ARIH1: variants seen among roughly 807,000 people sequenced by gnomAD.
The protein encoded by ARIH1 is E3 ubiquitin-protein ligase ARIH1.
In ARIH1, 8 loss-of-function variants were observed where a neutral mutation model predicts 85.0. That is an observed-to-expected ratio of 0.09 (90% confidence interval 0.06 to 0.17). ARIH1 has a LOEUF of 0.17. ARIH1 is among the 10% of genes least tolerant of loss of function. ARIH1 has a pLI of 1.00. For synonymous variants in ARIH1, 238 were observed against 253.6 expected, an observed-to-expected ratio of 0.94 and a Z score of 0.59; for missense variants, 311 against 718.1, an observed-to-expected ratio of 0.43 and a Z score of 6.48.
At chr15:72,485,372 A>G (rs2063833809) in intron 1 of ARIH1, among the ~76,000 whole-genome samples, 1 of 152,208 alleles carries the variant, frequency 6.6e-6, no homozygotes, top group Admixed American at 6.5e-5. Flanking sequence ...CCGTTAAACA[A>G]GAATCTTTCC....
chr15:72,602,906 G>A lies in ARIH1; in HGVS notation c.*19614G>A, dbSNP rs530746546. On this transcript the variant is annotated 3_prime_UTR_variant, in exon 14 of 14. Transcript: ENST00000379887. ...GATACTGTTTTCTGTACCTCACTAC[G>A]GATGTATTTTGCTGCTTGGCTCCCC... 3.4e-4 allele frequency: 51 copies of A among 152,204 alleles called. No individual in the cohort carries two copies. The highest frequency in any genetic ancestry group is 1.2e-3 in the African/African-American group (51 of 41,528). The allele number at this position is 152,204 out of a possible 1,614,324, so 9.4% of individuals were successfully genotyped here.
Position 72,594,173 on chromosome 15 carries a change from CTTTTTTTT to C in ARIH1, c.*10887_*10894del, listed in dbSNP as rs528019084. 1.4e-5 allele frequency: 2 copies of C among 140,596 alleles called. No homozygotes were observed. The highest frequency in any genetic ancestry group is 3.1e-5 in the Non-Finnish European group (2 of 64,090). 8.7% of individuals were successfully genotyped at this position (140,596 alleles called of 1,614,324 possible). On this transcript the variant is annotated 3_prime_UTR_variant, in exon 14 of 14. Transcript: ENST00000379887. ...GATTTTCTTTTCTTTTTCTTTTTTT[CTTTTTTTT>C]TTTTTGAGACGGAGTTTTGCTCTTG...
rs1464891775 is a variant in ARIH1 at position 72,589,278 on chromosome 15, C to CTAT, written c.*5990_*5992dup. The CTAT allele has an allele frequency of 6.6e-6, 1 of 152,152 alleles. No individual in the cohort carries two copies. Among genetic ancestry groups the CTAT allele is most frequent in the Non-Finnish European group, 1.5e-5 (1 of 68,034 alleles). 9.4% of individuals were successfully genotyped at this position (152,152 alleles called of 1,614,324 possible). Reference sequence around the variant, plus strand: ...GCTTGTCTGATTCCATATGTTCATTCTATTATGCTGCTGTTGTCTGTTACA... The same window carrying CTAT: ...GCTTGTCTGATTCCATATGTTCATTCTATTATTATGCTGCTGTTGTCTGTTACA... On this transcript the variant is annotated 3_prime_UTR_variant, in exon 14 of 14. Transcript: ENST00000379887.
At chr15:72,541,356 A>G (rs2064106732) in intron 2 of ARIH1, among the ~76,000 whole-genome samples, 3 of 152,226 alleles carry the variant, frequency 2.0e-5, no homozygotes, top group South Asian at 4.1e-4. Flanking sequence ...GAAGATGTGC[A>G]GGATCCACAT....
intron 1 of ARIH1, among the ~76,000 whole-genome samples, chr15:72,482,843 T>C (rs2063821809): frequency 6.7e-6 from 1 of 149,774 alleles, no homozygotes; most frequent in African/African-American, 2.4e-5. Flanking sequence ...CTCTCTCTTT[T>C]TTTTTTTTTT....
chr15:72,548,983 A>C (rs2706456), intron 3 of ARIH1, among the ~76,000 whole-genome samples: 1 of 152,162 alleles, frequency 6.6e-6, no homozygotes, highest in East Asian at 1.9e-4. Flanking sequence ...TTGTAAATTC[A>C]TAGATTCCAA....
At chr15:72,523,103 G>A (rs1051662363) in intron 2 of ARIH1, among the ~76,000 whole-genome samples, 4 of 152,130 alleles carry the variant, frequency 2.6e-5, no homozygotes, top group Non-Finnish European at 5.9e-5. Flanking sequence ...AATACAAAAT[G>A]TACTCTTACT....
At chr15:72,517,121 CTTTT>C (rs2063978533) in intron 1 of ARIH1, among the ~76,000 whole-genome samples, 1 of 152,270 alleles carries the variant, frequency 6.6e-6, no homozygotes, top group African/African-American at 2.4e-5. Flanking sequence ...ATAGTGGTAA[CTTTT>C]CTTTCTTGAA....
intron 2 of ARIH1, among the ~76,000 whole-genome samples, chr15:72,527,522 G>A (rs577118725): frequency 3.3e-5 from 5 of 151,048 alleles, no homozygotes; most frequent in South Asian, 4.2e-4. Flanking sequence ...TTTTATCTCC[G>A]TATCCTTATG....
intron 1 of ARIH1, among the ~76,000 whole-genome samples, chr15:72,479,528 C>T (rs547692824): frequency 6.6e-6 from 1 of 151,924 alleles, no homozygotes; most frequent in Non-Finnish European, 1.5e-5. Flanking sequence ...CCTGCCTCAG[C>T]CTCCTGAGAA....
At chr15:72,485,099 T>A (rs1447909932) in intron 1 of ARIH1, among the ~76,000 whole-genome samples, 1 of 152,238 alleles carries the variant, frequency 6.6e-6, no homozygotes, top group East Asian at 1.9e-4. Flanking sequence ...TATTATTTTT[T>A]AATTTTTTGA....
intron 1 of ARIH1, among the ~76,000 whole-genome samples, chr15:72,486,788 G>T (rs571791716): frequency 1.5e-4 from 22 of 147,652 alleles, no homozygotes; most frequent in African/African-American, 5.5e-4. Flanking sequence ...CTACCTCCTG[G>T]GTTCAAGTGA....
At chr15:72,535,771 T>C (rs2064079272) in intron 2 of ARIH1, among the ~76,000 whole-genome samples, 1 of 152,200 alleles carries the variant, frequency 6.6e-6, no homozygotes, top group Non-Finnish European at 1.5e-5. Context: ...GCAGAGGGTG[T>C]AGATTTCCTT....
chr15:72,572,939 C>T (rs542837143), intron 11 of ARIH1, among the ~76,000 whole-genome samples: 9 of 152,302 alleles, frequency 5.9e-5, no homozygotes, highest in African/African-American at 2.2e-4. Flanking sequence ...GGGATCCAAA[C>T]ACTAGGTGTG....
chr15:72,551,363 A>ACCTC (rs761253514), intron 3 of ARIH1, among the ~76,000 whole-genome samples: 23 of 152,364 alleles, frequency 1.5e-4, no homozygotes, highest in East Asian at 7.7e-4. Context: ...ACAAGAGTAG[A>ACCTC]CAGAGCGGTG....
rs757321051 is a variant in ARIH1 at position 72,602,309 on chromosome 15, T to C, written c.*19017T>C. On this transcript the variant is annotated 3_prime_UTR_variant, in exon 14 of 14. Coordinates refer to ENST00000379887, the MANE Select transcript of ARIH1 (RefSeq NM_005744.5). ...GTGAATGCATTTGTCCTCACAATTA[T>C]GTCAGTGAAATTTTTGTTCTTTGCC... 1.3e-5 allele frequency: 2 copies of C among 152,278 alleles called. No homozygotes were observed. The highest frequency in any genetic ancestry group is 2.9e-5 in the Non-Finnish European group (2 of 68,046). 9.4% of individuals were successfully genotyped at this position (152,278 alleles called of 1,614,324 possible).
At chr15:72,542,850 C>T (rs1595865783) in intron 2 of ARIH1, among the ~76,000 whole-genome samples, 1 of 150,954 alleles carries the variant, frequency 6.6e-6, no homozygotes, top group Non-Finnish European at 1.5e-5. Flanking sequence ...AGGTGTTTAG[C>T]TGGTTTATGA....
rs774572607 is a variant in ARIH1 at position 72,474,609 on chromosome 15, C to T, written c.-31C>T. Reference sequence around the variant, plus strand: ...GTCCCCGCCCTCTCCCCGCCTCGGCCAGCGTCCGCCGGGCCCCCGCGCGTC... The same window carrying T: ...GTCCCCGCCCTCTCCCCGCCTCGGCTAGCGTCCGCCGGGCCCCCGCGCGTC... On this transcript the variant is annotated 5_prime_UTR_variant, in exon 1 of 14. Transcript: ENST00000379887. The T allele has an allele frequency of 5.3e-6, 8 of 1,499,420 alleles. No individual in the cohort carries two copies. The African/African-American group carries it at 1.2e-4, about 22-fold the overall frequency. 92.9% of individuals were successfully genotyped at this position (1,499,420 alleles called of 1,614,324 possible). A position where few individuals can be genotyped will look rare whatever the true frequency, so the allele number is the denominator to read the frequency against.
chr15:72,570,918 C>T (rs1350407959), intron 10 of ARIH1, among the ~76,000 whole-genome samples: 6 of 152,066 alleles, frequency 3.9e-5, no homozygotes, highest in African/African-American at 7.2e-5. Flanking sequence ...CACCTGAGGT[C>T]GGGAGTTCAA....
Sources: gnomAD v4.1 joint callset for allele counts (sites outside exome capture counted in the v4.1 genomes callset) on GRCh38, gnomAD v4.1.1 for gene constraint, MANE v1.5 for transcripts, NCBI Gene and HGNC (gene_info 2026-07-23, HGNC 2026-07-21) for gene names.